The following OGDH variants were observed in gnomAD, a reference collection of about 807,000 sequenced individuals.
OGDH encodes 2-oxoglutarate dehydrogenase complex component E1.
In OGDH, 38 loss-of-function variants were observed where a neutral mutation model predicts 116.6. The ratio of observed to expected loss-of-function variants is 0.33; its 90% CI spans 0.25 to 0.43. The LOEUF is 0.43. Ranked by LOEUF, OGDH falls within the 20% of genes least tolerant of loss-of-function variation. OGDH has a pLI of 1.00. For synonymous variants in OGDH, 488 were observed against 533.3 expected (o/e 0.92, Z 1.17); for missense variants, 825 against 1,357.2 (o/e 0.61, Z 6.16).
At position 44,698,266 on chromosome 7, in the gene OGDH, G is replaced by A. The variant is rs1226931935; in HGVS notation, c.2430+3G>A. Reference sequence around the variant, plus strand: ...ACGATGACCCAGATGTCCTGCCAGTGAGTAATACAGGCCCTGTCAGCCCAG... The same window carrying A: ...ACGATGACCCAGATGTCCTGCCAGTAAGTAATACAGGCCCTGTCAGCCCAG... On this transcript the variant is annotated splice_donor_region_variant and intron_variant, in intron 18 of 22. Transcript: ENST00000222673. 5.0e-6 allele frequency: 8 copies of A among 1,613,650 alleles called. No individual in the cohort carries two copies. In the African/African-American group the frequency reaches 6.7e-5, roughly 13 times the overall value.
At position 44,681,817 on chromosome 7, in the gene OGDH, A is replaced by G; in HGVS notation, c.1304A>G (p.His435Arg). ...AGCGACCTGCCATCCTACACAACTC[A>G]TGGCACCGTGCACGTGGTCGTCAAC... ...HLSDLPSYTT[H>R]GTVHVVVNNQ... Residue 435 changes from histidine to arginine, a missense_variant, in exon 10 of 23, where the codon CAT becomes CGT. By Grantham distance (29) the His-to-Arg change is conservative. Coordinates refer to ENST00000222673, the MANE Select transcript of OGDH (RefSeq NM_002541.4). 1 of 1,614,080 alleles carries G rather than the reference A, an allele frequency of 6.2e-7. No homozygotes were observed.
At chr7:44,677,203 CAT>C (rs1562665050) in intron 9 of OGDH, among the ~76,000 whole-genome samples, 2 of 151,994 alleles carry the variant, frequency 1.3e-5, no homozygotes, top group Non-Finnish European at 2.9e-5. Flanking sequence ...TTCTGGGAAA[CAT>C]ATAAAGAAGG....
intron 5 of OGDH, among the ~76,000 whole-genome samples, chr7:44,670,554 C>T (rs1787386467): frequency 6.6e-6 from 1 of 152,164 alleles, no homozygotes; most frequent in African/African-American, 2.4e-5. Context: ...TGGTCAGTAC[C>T]TTGGGCACTA....
chr7:44,661,983 C>A (rs572968444), intron 4 of OGDH, among the ~76,000 whole-genome samples: 2 of 152,186 alleles, frequency 1.3e-5, no homozygotes, highest in Non-Finnish European at 2.9e-5. Flanking sequence ...TTATCATCTA[C>A]TAGTGTCATA....
Position 44,694,053 on chromosome 7 carries a change from C to T in OGDH, c.1515+49C>T, listed in dbSNP as rs1473372027. The T allele has an allele frequency of 6.5e-7, 1 of 1,548,228 alleles. No individual in the cohort carries two copies. The highest frequency in any genetic ancestry group is 1.4e-5 in the African/African-American group (1 of 73,974). On this transcript the variant is annotated intron_variant, in intron 11 of 22. Coordinates refer to ENST00000222673, the MANE Select transcript of OGDH (RefSeq NM_002541.4). This position sits in a 1 kb window ranked among gnomAD's most constrained non-coding sequence, Gnocchi z 4.2. ...GTCCTGGGCAGAGCATCTGACCCAC[C>T]CCTCTTGCCCTCGGCACCCCTGTGT...
intron 4 of OGDH, among the ~76,000 whole-genome samples, chr7:44,658,012 C>T (rs1158426137): frequency 6.6e-6 from 1 of 152,102 alleles, no homozygotes; most frequent in Non-Finnish European, 1.5e-5. Context: ...GTTTTTCCAT[C>T]GATACCACAG....
At chr7:44,661,788 G>A (rs1413250746) in intron 4 of OGDH, among the ~76,000 whole-genome samples, 1 of 152,090 alleles carries the variant, frequency 6.6e-6, no homozygotes, top group Non-Finnish European at 1.5e-5. Flanking sequence ...ATTTTTAGTA[G>A]AGGCAGGGTT....
chr7:44,661,722 C>A (rs140893107), intron 4 of OGDH, among the ~76,000 whole-genome samples: 1 of 152,034 alleles, frequency 6.6e-6, no homozygotes, highest in African/African-American at 2.4e-5. Flanking sequence ...CTGCCTCAGC[C>A]TCCTGAGTAG....
At chr7:44,668,340 C>T (rs56863647) in intron 5 of OGDH, among the ~76,000 whole-genome samples, 7,625 of 152,150 alleles carry the variant, frequency 0.05, 609 homozygotes, top group African/African-American at 0.17. Context: ...GGGAGGCTGA[C>T]GCAGATAATT....
Position 44,697,449 on chromosome 7 carries a change from G to T in OGDH, c.2131G>T (p.Ala711Ser), listed in dbSNP as rs1562685707. Residue 711 changes from alanine to serine, a missense_variant, in exon 16 of 23, where the codon GCC becomes TCC. Coordinates refer to ENST00000222673, the MANE Select transcript of OGDH (RefSeq NM_002541.4). The surrounding 1 kb of genome is among the most constrained non-coding windows in gnomAD (Gnocchi z 6.0). ...CATGAACCATCTCTGGCCCAATCAGGCCCCCTATACTGTGTGCAACAGCTC... is the reference window on the plus strand; with the variant it reads ...CATGAACCATCTCTGGCCCAATCAGTCCCCCTATACTGTGTGCAACAGCTC... Reference protein sequence around the residue: ...IPMNHLWPNQAPYTVCNSSLS... With the variant: ...IPMNHLWPNQSPYTVCNSSLS... 3 of 1,614,130 alleles carry T rather than the reference G, an allele frequency of 1.9e-6. No homozygotes were observed. In the Admixed American group the frequency reaches 5.0e-5, roughly 27 times the overall value.
At chr7:44,644,584 C>T (rs749672665) in intron 2 of OGDH, among the ~76,000 whole-genome samples, 18 of 152,206 alleles carry the variant, frequency 1.2e-4, no homozygotes, top group Non-Finnish European at 2.5e-4. Flanking sequence ...AAAGGTAACT[C>T]ACTAAGAGCC....
In OGDH at chr7:44,640,020, G is replaced by A. The variant is rs75282943; in HGVS notation, c.223-5307G>A. ...GCACAAAAGAAGGTCAGAGAGTGGA[G>A]GCCCGATGATCATGATCGCCCTGTC... On this transcript the variant is annotated intron_variant, in intron 2 of 22. Coordinates refer to ENST00000222673, the MANE Select transcript of OGDH (RefSeq NM_002541.4). 5.7e-3 allele frequency among the ~76,000 whole-genome samples: 875 copies of A among 152,304 alleles called. 9 individuals carry two copies. The highest frequency in any genetic ancestry group is 0.019 in the African/African-American group (798 of 41,560).
At chr7:44,699,467 G>C (rs1788735647) in intron 18 of OGDH, among the ~76,000 whole-genome samples, 1 of 151,092 alleles carries the variant, frequency 6.6e-6, no homozygotes, top group South Asian at 2.1e-4. Context: ...AAAATGATTA[G>C]GTGTCAGTGT....
chr7:44,632,898 GTACTT>G (rs1052431986), intron 2 of OGDH, among the ~76,000 whole-genome samples: 1 of 151,324 alleles, frequency 6.6e-6, no homozygotes, highest in East Asian at 1.9e-4. Flanking sequence ...CTTTTGTACT[GTACTT>G]TAAGAAAAAA....
chr7:44,638,135 A>G (rs922457507), intron 2 of OGDH, among the ~76,000 whole-genome samples: 8 of 152,208 alleles, frequency 5.3e-5, no homozygotes, highest in Admixed American at 2.0e-4. Flanking sequence ...GTGTAACTGT[A>G]TATTTGAGGC....
At chr7:44,662,464 C>CTTTT (rs199533460) in intron 4 of OGDH, among the ~76,000 whole-genome samples, 6 of 130,826 alleles carry the variant, frequency 4.6e-5, no homozygotes, top group African/African-American at 1.5e-4. Context: ...CTTTTCTTTT[C>CTTTT]TTTTTTTTTT....
rs1313249328 is a variant in OGDH at position 44,694,934 on chromosome 7, G to T, written c.1668+358G>T. ...TGTTGTAATCTGGATAGTAAGTGCT[G>T]GTTGGTTGTGAGTGGGAAGGCCAAG... is the stretch of plus-strand genomic sequence containing the variant. On this transcript the variant is annotated intron_variant, in intron 12 of 22. Transcript: ENST00000222673. The surrounding 1 kb of genome is among the most constrained non-coding windows in gnomAD (Gnocchi z 4.2). Among the ~76,000 whole-genome samples the T allele has an allele frequency of 6.6e-6, 1 of 152,122 alleles. No individual in the cohort carries two copies. The highest frequency in any genetic ancestry group is 2.4e-5 in the African/African-American group (1 of 41,418).
At chr7:44,678,275 T>C (rs1164652576) in intron 9 of OGDH, among the ~76,000 whole-genome samples, 1 of 152,120 alleles carries the variant, frequency 6.6e-6, no homozygotes, top group East Asian at 1.9e-4. Flanking sequence ...CCTCTGGTAT[T>C]TGCACCCTCC....
chr7:44,656,433 C>G, intron 4 of OGDH: 14 of 1,388,156 alleles, frequency 1.0e-5, no homozygotes, highest in Non-Finnish European at 1.4e-5. Context: ...GCAACTTTTC[C>G]TAGCATGCAA....
Sources: allele counts gnomAD v4.1 joint callset (sites outside exome capture counted in the v4.1 genomes callset), GRCh38; gene constraint gnomAD v4.1.1; non-coding constraint Gnocchi (gnomAD v3.1); transcripts MANE v1.5; gene names NCBI Gene and HGNC (gene_info 2026-07-23, HGNC 2026-07-21).